The following KCNH3 variants were observed in gnomAD, a reference collection of about 807,000 sequenced individuals.
The protein encoded by KCNH3 is potassium voltage-gated channel subfamily H member 3.
A neutral mutation model predicts 95.6 loss-of-function variants in KCNH3; 36 were observed. That is an observed-to-expected ratio of 0.38 (90% CI 0.29 to 0.50). The LOEUF (loss-of-function observed/expected upper bound fraction) is 0.50. Ranked by LOEUF, KCNH3 falls within the 20% of genes least tolerant of loss-of-function variation. The pLI is 0.95. For synonymous variants in KCNH3, 620 were observed against 646.3 expected, an observed-to-expected ratio of 0.96 and a Z score of 0.62; for missense variants, 1,030 against 1,484.1, an observed-to-expected ratio of 0.69 and a Z score of 5.03.
intron 7 of KCNH3, among the ~76,000 whole-genome samples, chr12:49,547,960 CAA>C (rs564174905): frequency 3.9e-4 from 59 of 152,294 alleles, no homozygotes; most frequent in African/African-American, 1.4e-3. Context: ...CAGCTAGGCT[CAA>C]GAGTGACTCC....
Position 49,554,741 on chromosome 12 carries a change from C to T in KCNH3, c.2136+187C>T, listed in dbSNP as rs535540922. On this transcript the variant is annotated intron_variant, in intron 11 of 14. Transcript: ENST00000257981. ...ATGTGCCCAGCCCAGCATGTGCAGC[C>T]ACCCCTGCCAGCTCTCCTTGGCCTG... 6.6e-5 allele frequency among the ~76,000 whole-genome samples: 10 copies of T among 152,208 alleles called. No individual in the cohort carries two copies. The South Asian group carries it at 1.9e-3, about 28-fold the overall frequency.
intron 11 of KCNH3, 66 bp downstream of exon 11, chr12:49,554,620 G>A: frequency 7.2e-7 from 1 of 1,388,974 alleles, no homozygotes; most frequent in South Asian, 1.2e-5. Flanking sequence ...AGTGGGCAGA[G>A]GCTGGGGATG....
At position 49,557,974 on chromosome 12, in the gene KCNH3, C is replaced by A; in HGVS notation, c.*21C>A. On this transcript the variant is annotated 3_prime_UTR_variant, in exon 15 of 15. Transcript: ENST00000257981. ...TCTGAGTACCAGCCCTAGAACTCAG[C>A]GTTGCCAGGTGTGCTGCCATCTGCT... 1 of 1,449,906 alleles carries A rather than the reference C, an allele frequency of 6.9e-7. No individual in the cohort carries two copies. Among genetic ancestry groups the A allele is most frequent in the African/African-American group, 1.4e-5 (1 of 70,798 alleles). 89.8% of individuals were successfully genotyped at this position (1,449,906 alleles called of 1,614,324 possible).
chr12:49,543,148 T>A, intron 4 of KCNH3, 127 bp from the exon 5 acceptor site: 1 of 1,069,228 alleles, frequency 9.4e-7, no homozygotes, highest in Non-Finnish European at 1.3e-6. Context: ...TAATGCCATC[T>A]CGAAGCAGAT....
chr12:49,557,017 T>C (rs1864804514), intron 13 of KCNH3, among the ~76,000 whole-genome samples, 166 bp from the exon 14 acceptor site: 1 of 152,100 alleles, frequency 6.6e-6, no homozygotes, highest in Admixed American at 6.6e-5. Flanking sequence ...TCCCTGCCCC[T>C]GGAAGTTTGG....
intron 13 of KCNH3, 189 bp downstream of exon 13, chr12:49,556,665 C>T (rs539456979): frequency 2.3e-5 from 16 of 701,012 alleles, no homozygotes; most frequent in African/African-American, 1.0e-4. Flanking sequence ...ACTTTAATTT[C>T]GACGCAGCCA....
chr12:49,549,455 G>C lies in KCNH3; in HGVS notation c.1483G>C (p.Val495Leu). The stretch of plus-strand genomic sequence containing the variant: ...CCCTCCCCCAGCCCTGATGCACGCG[G>C]TGGTGTTTGGGAACGTGACGGCCAT... ...TMLIGALMHA[V>L]VFGNVTAIIQ... Residue 495 changes from valine (V) to leucine (L), a missense_variant, in exon 9 of 15, where the codon GTG (valine) becomes CTG (leucine). Val to Leu is a conservative substitution (Grantham distance 32). Coordinates refer to ENST00000257981, the MANE Select transcript of KCNH3 (RefSeq NM_012284.3). 6.2e-7 allele frequency: 1 copy of C among 1,613,530 alleles called. No homozygotes were observed. Among genetic ancestry groups the C allele is most frequent in the Non-Finnish European group, 8.5e-7 (1 of 1,180,000 alleles).
chr12:49,539,466 C>A lies in KCNH3; in HGVS notation c.50C>A (p.Thr17Asn). Reference sequence around the variant, plus strand: ...GCGCCGCAGAACACCTTCCTGGACACCATCGCTACGCGCTTCGACGGCACG... The same window carrying A: ...GCGCCGCAGAACACCTTCCTGGACAACATCGCTACGCGCTTCGACGGCACG... ...LLAPQNTFLD[T>N]IATRFDGTHS... Residue 17 changes from threonine to asparagine, a missense_variant, in exon 1 of 15, where the codon ACC becomes AAC. Physicochemically the swap from Thr to Asn is moderately conservative, Grantham distance 65. Transcript: ENST00000257981. This position sits in a 1 kb window ranked among gnomAD's most constrained non-coding sequence, Gnocchi z 6.7. 6.3e-7 allele frequency: 1 copy of A among 1,587,032 alleles called. No homozygotes were observed. The highest frequency in any genetic ancestry group is 8.6e-7 in the Non-Finnish European group (1 of 1,168,872).
intron 3 of KCNH3, 22 bp downstream of exon 3, chr12:49,541,786 G>A (rs199938807): frequency 1.9e-6 from 3 of 1,613,302 alleles, no homozygotes; most frequent in East Asian, 2.2e-5. Flanking sequence ...TAGGTGCTGT[G>A]GTCGGGGTAT....
At chr12:49,548,829 C>A in intron 7 of KCNH3, 66 bp from the exon 8 acceptor site, 1 of 1,463,264 alleles carries the variant, frequency 6.8e-7, no homozygotes, top group Non-Finnish European at 9.1e-7. Flanking sequence ...GTGTCCCCAC[C>A]CCCAGGGCCC....
At chr12:49,552,657 C>T (rs781132792) in intron 10 of KCNH3, among the ~76,000 whole-genome samples, 7 of 152,218 alleles carry the variant, frequency 4.6e-5, no homozygotes, top group Admixed American at 1.3e-4. Context: ...ACGCAAAGTC[C>T]GTTGTGAGGA....
In KCNH3 at chr12:49,539,233, G is replaced by T. The variant is rs1446260611; in HGVS notation, c.-184G>T. The T allele has an allele frequency of 5.6e-6, 1 of 179,420 alleles. No individual in the cohort carries two copies. The highest frequency in any genetic ancestry group is 1.6e-4 in the East Asian group (1 of 6,426). 11.1% of individuals were successfully genotyped at this position (179,420 alleles called of 1,614,324 possible). A position where few individuals can be genotyped will look rare whatever the true frequency, so the allele number is the denominator to read the frequency against. ...CGCGCGCCATGCTCCGGGCCCCGAC[G>T]GCGCGGACGCCCCCTCGCGCGCCAG... On this transcript the variant is annotated 5_prime_UTR_variant, in exon 1 of 15. Transcript: ENST00000257981. This position sits in a 1 kb window ranked among gnomAD's most constrained non-coding sequence, Gnocchi z 6.7.
Position 49,558,012 on chromosome 12 carries a change from C to A in KCNH3, c.*59C>A. The A allele has an allele frequency of 7.0e-7, 1 of 1,422,646 alleles. No homozygotes were observed. Among genetic ancestry groups the A allele is most frequent in the Middle Eastern group, 2.7e-4 (1 of 3,728 alleles). The allele number at this position is 1,422,646 out of a possible 1,614,324, so 88.1% of individuals were successfully genotyped here. A position where few individuals can be genotyped will look rare whatever the true frequency, so the allele number is the denominator to read the frequency against. On this transcript the variant is annotated 3_prime_UTR_variant, in exon 15 of 15. Transcript: ENST00000257981. ...GCTGCCATCTGCTGTTCGGCCCAACCTCAGAGTGAAGGCAGGGTGGCAGCC... is the reference window on the plus strand; with the variant it reads ...GCTGCCATCTGCTGTTCGGCCCAACATCAGAGTGAAGGCAGGGTGGCAGCC...
In KCNH3 at chr12:49,554,425, C is replaced by G; in HGVS notation, c.2007C>G (p.Val669=). The stretch of plus-strand genomic sequence containing the variant: ...ACGTGAAGGGGCTGACGTACTGCGT[C>G]CTGCAGTGTCTGCAGCTGGCTGGCC... ...NADVKGLTYC[V]LQCLQLAGLH... The change falls in exon 11 of 15, where the codon GTC becomes GTG. Residue 669 remains valine, a synonymous_variant. Transcript: ENST00000257981. The G allele has an allele frequency of 6.2e-7, 1 of 1,613,282 alleles. No homozygotes were observed. Among genetic ancestry groups the G allele is most frequent in the Non-Finnish European group, 8.5e-7 (1 of 1,180,022 alleles).
At chr12:49,540,856 G>A (rs758883771) in intron 1 of KCNH3, 43 bp from the exon 2 acceptor site, 15 of 1,534,752 alleles carry the variant, frequency 9.8e-6, no homozygotes, top group South Asian at 2.2e-5. Context: ...TAGGCCTCCT[G>A]CCCCTTCACC....
intron 6 of KCNH3, 50 bp downstream of exon 6, chr12:49,544,122 C>A (rs1017697919): frequency 1.1e-5 from 17 of 1,604,472 alleles, no homozygotes; most frequent in Non-Finnish European, 1.4e-5. Context: ...AGGGGACAGG[C>A]AGGGCCGGCC....
At position 49,548,879 on chromosome 12, in the gene KCNH3, GC is replaced by G. The variant is rs1233770006; in HGVS notation, c.1190-15del. 1.3e-6 allele frequency: 2 copies of G among 1,549,250 alleles called. No individual in the cohort carries two copies. The highest frequency in any genetic ancestry group is 2.7e-5 in the African/African-American group (2 of 73,358). On this transcript the variant is annotated splice_polypyrimidine_tract_variant and intron_variant, in intron 7 of 14. Coordinates refer to ENST00000257981, the MANE Select transcript of KCNH3 (RefSeq NM_012284.3). ...CAGTCTTCCTGCCTGCTCAGGCCCT[GC>G]TGTTCCCCCCTCAGGCTGGCTGCAG...
intron 2 of KCNH3, 91 bp downstream of exon 2, chr12:49,541,223 C>T: frequency 1.1e-6 from 1 of 880,046 alleles, no homozygotes; most frequent in Non-Finnish European, 1.8e-6. Context: ...CTTTCTGTTG[C>T]CATCTTCTCC....
chr12:49,550,047 AACCCCCCC>A, intron 9 of KCNH3, 25 bp from the exon 10 acceptor site: 5 of 539,394 alleles, frequency 9.3e-6, no homozygotes, highest in Non-Finnish European at 1.5e-5. Context: ...TGCCACTCCC[AACCCCCCC>A]ACCCCCGCAC....
Sources: gnomAD v4.1 joint callset for allele counts (sites outside exome capture counted in the v4.1 genomes callset) on GRCh38, gnomAD v4.1.1 for gene constraint, Gnocchi (gnomAD v3.1) non-coding constraint, MANE v1.5 for transcripts, NCBI Gene and HGNC (gene_info 2026-07-23, HGNC 2026-07-21) for gene names.